NCKAP5: variants seen among roughly 807,000 people sequenced by gnomAD.
NCKAP5 encodes NCK associated protein 5, also known as nck-associated protein 5.
In NCKAP5, 92 loss-of-function variants were observed where a neutral mutation model predicts 167.0. The ratio of observed to expected loss-of-function variants is 0.55; its 90% confidence interval spans 0.47 to 0.66. NCKAP5 has a LOEUF of 0.66. NCKAP5 is among the 30% of genes least tolerant of loss of function. The pLI is 0.00. For synonymous variants in NCKAP5, 891 were observed against 877.4 expected (o/e 1.02, Z -0.27); for missense variants, 2,378 against 2,315.0 (o/e 1.03, Z -0.56).
chr2:133,367,266 C>T (rs1350401434), intron 3 of NCKAP5, among the ~76,000 whole-genome samples: 1 of 152,186 alleles, frequency 6.6e-6, no homozygotes, highest in Non-Finnish European at 1.5e-5. Context: ...CTATTTTCTG[C>T]AGCTGTTTTC....
At chr2:132,955,373 G>A (rs2076308724) in intron 8 of NCKAP5, among the ~76,000 whole-genome samples, 1 of 152,134 alleles carries the variant, frequency 6.6e-6, no homozygotes, top group Admixed American at 6.5e-5. Flanking sequence ...AGGGCCTCTG[G>A]ATCTAAGTCT....
intron 8 of NCKAP5, among the ~76,000 whole-genome samples, chr2:132,939,603 T>G (rs1194789399): frequency 6.6e-6 from 1 of 152,174 alleles, no homozygotes; most frequent in African/African-American, 2.4e-5. Context: ...TTTCAATAGA[T>G]TTTGGGGTAC....
intron 6 of NCKAP5, among the ~76,000 whole-genome samples, chr2:133,004,819 T>C (rs903443551): frequency 6.6e-6 from 1 of 152,172 alleles, no homozygotes; most frequent in Non-Finnish European, 1.5e-5. Flanking sequence ...ACCCCTTATC[T>C]TCAACCGCAT....
At chr2:132,847,376 G>A (rs921681516) in intron 11 of NCKAP5, among the ~76,000 whole-genome samples, 6 of 152,258 alleles carry the variant, frequency 3.9e-5, no homozygotes, top group Admixed American at 2.6e-4. Flanking sequence ...TTTCAAAGAG[G>A]AGATAACTGA....
intron 11 of NCKAP5, among the ~76,000 whole-genome samples, chr2:132,804,183 G>T (rs929960145): frequency 6.6e-6 from 1 of 152,186 alleles, no homozygotes; most frequent in East Asian, 1.9e-4. Context: ...CCAGTCAGAC[G>T]TGTGGGCAGG....
At chr2:132,870,485 A>G (rs1265532457) in intron 9 of NCKAP5, among the ~76,000 whole-genome samples, 1 of 152,096 alleles carries the variant, frequency 6.6e-6, no homozygotes, top group Non-Finnish European at 1.5e-5. Flanking sequence ...TATCCAATAT[A>G]AATTTTCTGA....
At chr2:133,313,969 C>A (rs1681429823) in intron 3 of NCKAP5, among the ~76,000 whole-genome samples, 1 of 152,182 alleles carries the variant, frequency 6.6e-6, no homozygotes, top group Admixed American at 6.5e-5. Context: ...GACCAATGAT[C>A]CATTGCATCA....
intron 3 of NCKAP5, among the ~76,000 whole-genome samples, chr2:133,473,795 C>A (rs984061464): frequency 1.3e-5 from 2 of 152,158 alleles, no homozygotes; most frequent in African/African-American, 2.4e-5. Flanking sequence ...TTAAGTTTTT[C>A]TTTGTCAATT....
At chr2:133,328,263 G>A (rs1027284933) in intron 3 of NCKAP5, among the ~76,000 whole-genome samples, 1 of 152,158 alleles carries the variant, frequency 6.6e-6, no homozygotes, top group Non-Finnish European at 1.5e-5. Flanking sequence ...AATTCGCTGC[G>A]TATCTGCTCT....
At chr2:133,055,437 G>A (rs1254621978) in intron 6 of NCKAP5, among the ~76,000 whole-genome samples, 1 of 150,010 alleles carries the variant, frequency 6.7e-6, no homozygotes, top group Non-Finnish European at 1.5e-5. Flanking sequence ...AACGCCAGAA[G>A]ATGGTGTGCT....
chr2:133,059,233 G>T (rs1418009715), intron 6 of NCKAP5, among the ~76,000 whole-genome samples: 2 of 152,120 alleles, frequency 1.3e-5, no homozygotes, highest in Non-Finnish European at 2.9e-5. Flanking sequence ...CCAGGAAGGG[G>T]AGCTTGCAGT....
chr2:133,115,799 A>AG (rs2082058483), intron 6 of NCKAP5, among the ~76,000 whole-genome samples: 1 of 134,708 alleles, frequency 7.4e-6, no homozygotes, highest in Non-Finnish European at 1.6e-5. Context: ...ATATATATAT[A>AG]TATATATATA....
At chr2:133,122,003 T>C (rs1157819764) in intron 6 of NCKAP5, 1 of 152,246 alleles carries the variant, frequency 6.6e-6, no homozygotes, top group Non-Finnish European at 1.5e-5. Flanking sequence ...TATGACTTCG[T>C]CATTTATAAG....
intron 11 of NCKAP5, among the ~76,000 whole-genome samples, chr2:132,830,520 C>G (rs772693984): frequency 6.6e-6 from 1 of 152,176 alleles, no homozygotes; most frequent in Admixed American, 6.5e-5. Flanking sequence ...CCGTGACCAC[C>G]AGCAGAAGAG....
chr2:132,959,665 G>A (rs886803665), intron 8 of NCKAP5, among the ~76,000 whole-genome samples: 1 of 152,148 alleles, frequency 6.6e-6, no homozygotes, highest in African/African-American at 2.4e-5. Flanking sequence ...TAGGGAACAG[G>A]GAAGACTCCA....
the NCKAP5 span, among the ~76,000 whole-genome samples, chr2:133,656,712 C>T: frequency 1.3e-5 from 2 of 152,206 alleles, no homozygotes; most frequent in African/African-American, 4.8e-5. Context: ...ATAAATGCAC[C>T]AAGTGTGGGA....
intron 1 of NCKAP5, among the ~76,000 whole-genome samples, chr2:133,565,058 C>A (rs1460567608): frequency 6.6e-6 from 1 of 152,132 alleles, no homozygotes; most frequent in Non-Finnish European, 1.5e-5. Context: ...ATGTGAAAAG[C>A]TGCTCACAGG....
At chr2:133,634,095 C>G in the NCKAP5 span, among the ~76,000 whole-genome samples, 2 of 152,212 alleles carry the variant, frequency 1.3e-5, no homozygotes, top group Non-Finnish European at 1.5e-5. Context: ...TATTAAGCCT[C>G]TCTCTTACTC....
chr2:133,497,823 A>G (rs540094364), intron 3 of NCKAP5, among the ~76,000 whole-genome samples: 1 of 152,340 alleles, frequency 6.6e-6, no homozygotes, highest in East Asian at 1.9e-4. Context: ...AGCAGAGTTA[A>G]CCATGCTTAG....
Sources: allele counts gnomAD v4.1 joint callset (sites outside exome capture counted in the v4.1 genomes callset), GRCh38; gene constraint gnomAD v4.1.1; transcripts MANE v1.5; gene names NCBI Gene and HGNC (gene_info 2026-07-23, HGNC 2026-07-21).